PIBF1: variants seen among roughly 807,000 people sequenced by gnomAD.
PIBF1 encodes the protein progesterone immunomodulatory binding factor 1.
PIBF1 carries 90 observed loss-of-function variants against 112.5 expected under a neutral mutation model. The observed-to-expected ratio is 0.80, with a 90% CI of 0.67 to 0.95. The LOEUF (loss-of-function observed/expected upper bound fraction) is 0.95, where lower values mean the gene tolerates loss of function less well. Ranked by LOEUF, PIBF1 falls within the 40% of genes least tolerant of loss-of-function variation. The pLI is 0.00. For synonymous variants in PIBF1, 301 were observed against 288.6 expected (o/e 1.04, Z -0.44); for missense variants, 915 against 852.3 (o/e 1.07, Z -0.92).
Position 72,893,862 on chromosome 13 carries a change from T to C in PIBF1, c.1401T>C (p.Ser467=). The change falls in exon 11 of 18, where the codon AGT becomes AGC. Residue 467 remains serine (S), a synonymous_variant. Transcript: ENST00000326291. ...LHQSKLKSFE[S]ERVQLLQEET... ...AAAGTAAATTAAAATCTTTTGAAAG[T>C]GAGCGTGTTCAACTTCTGCAAGAGG... is the stretch of plus-strand genomic sequence containing the variant. 6.2e-7 allele frequency: 1 copy of C among 1,606,170 alleles called. No individual in the cohort carries two copies. Among genetic ancestry groups the C allele is most frequent in the Non-Finnish European group, 8.5e-7 (1 of 1,175,680 alleles).
At chr13:72,798,361 T>G (rs575098306) in intron 5 of PIBF1, among the ~76,000 whole-genome samples, 1 of 152,336 alleles carries the variant, frequency 6.6e-6, no homozygotes, top group Non-Finnish European at 1.5e-5. Flanking sequence ...ATTTAGTAAT[T>G]TGTCTCTATT....
At chr13:72,970,068 A>G (rs141758683) in intron 15 of PIBF1, among the ~76,000 whole-genome samples, 84 of 152,290 alleles carry the variant, frequency 5.5e-4, no homozygotes, top group African/African-American at 2.0e-3. Flanking sequence ...AAACTCTTTG[A>G]AGAACTGAAT....
At chr13:72,972,094 G>T (rs2042910172) in intron 15 of PIBF1, among the ~76,000 whole-genome samples, 1 of 150,958 alleles carries the variant, frequency 6.6e-6, no homozygotes. Context: ...GAATACAGTG[G>T]AGCATCATAG....
chr13:72,873,887 T>C (rs570435111), intron 10 of PIBF1, among the ~76,000 whole-genome samples: 24 of 152,182 alleles, frequency 1.6e-4, no homozygotes, highest in Non-Finnish European at 3.4e-4. Flanking sequence ...CTCTTGCAAC[T>C]TAAGAAGACA....
intron 5 of PIBF1, among the ~76,000 whole-genome samples, chr13:72,811,608 A>T (rs112171153): frequency 1.4e-5 from 2 of 139,718 alleles, no homozygotes; most frequent in Non-Finnish European, 3.0e-5. Context: ...AAAAAAAAAA[A>T]AGAGAGAGAA....
intron 3 of PIBF1, among the ~76,000 whole-genome samples, chr13:72,793,827 T>C (rs139903822): frequency 6.6e-6 from 1 of 152,310 alleles, no homozygotes; most frequent in Non-Finnish European, 1.5e-5. Flanking sequence ...AAAGAAATCA[T>C]GGTAGCAAAG....
chr13:72,891,729 T>A (rs1176519603), intron 10 of PIBF1, among the ~76,000 whole-genome samples: 1 of 152,072 alleles, frequency 6.6e-6, no homozygotes, highest in Non-Finnish European at 1.5e-5. Flanking sequence ...AGAAATGAAT[T>A]CATGTTTACA....
chr13:72,900,473 A>T (rs1442687318), intron 11 of PIBF1, among the ~76,000 whole-genome samples: 4 of 152,214 alleles, frequency 2.6e-5, no homozygotes, highest in Non-Finnish European at 5.9e-5. Flanking sequence ...CTGACCTTTG[A>T]CAAAGCAAAC....
Position 72,783,641 on chromosome 13 carries a change from C to A in PIBF1, c.172C>A (p.His58Asn). 1.9e-6 allele frequency: 3 copies of A among 1,613,824 alleles called. No homozygotes were observed. Among genetic ancestry groups the A allele is most frequent in the Non-Finnish European group, 2.5e-6 (3 of 1,179,762 alleles). The stretch of plus-strand genomic sequence containing the variant: ...GCTAATTGAACGAAAAGAACTACTT[C>A]ATAATATTCAGTTACTAAAAATTGA... ...RQLIERKELL[H>N]NIQLLKIELS... Residue 58 changes from histidine to asparagine, a missense_variant, in exon 2 of 18, where the codon CAT (histidine) becomes AAT (asparagine). By Grantham distance (68) the His-to-Asn change is moderately conservative. Coordinates refer to ENST00000326291, the MANE Select transcript of PIBF1 (RefSeq NM_006346.4).
At chr13:72,901,933 C>A (rs2040503206) in intron 11 of PIBF1, among the ~76,000 whole-genome samples, 1 of 151,312 alleles carries the variant, frequency 6.6e-6, no homozygotes, top group Admixed American at 6.6e-5. Flanking sequence ...GCACAATTCA[C>A]AATTGCAAAA....
rs551814577 is a variant in PIBF1, at chr13:72,926,519, G to C, written c.1731-4646G>C. Among the ~76,000 whole-genome samples, 6 of 152,294 alleles carry C rather than the reference G, an allele frequency of 3.9e-5. No homozygotes were observed. In the East Asian group the frequency reaches 1.2e-3, roughly 29 times the overall value. ...TGACTGTAGTCTTCTTCCTTCTGCA[G>C]GCCATCCTGCACACTACTGATAGAG... On this transcript the variant is annotated intron_variant, in intron 13 of 17. Transcript: ENST00000326291.
At chr13:72,937,645 C>T (rs967754572) in intron 14 of PIBF1, among the ~76,000 whole-genome samples, 17 of 152,188 alleles carry the variant, frequency 1.1e-4, no homozygotes, top group Admixed American at 3.3e-4. Context: ...CATGGCAAAA[C>T]CCTGTCTCTA....
intron 15 of PIBF1, among the ~76,000 whole-genome samples, chr13:72,972,650 C>A (rs1026813647): frequency 1.3e-5 from 2 of 148,320 alleles, no homozygotes; most frequent in Admixed American, 1.4e-4. Flanking sequence ...GGTGACAGAG[C>A]GAGACTCCGT....
At chr13:72,944,927 C>T (rs187643740) in intron 14 of PIBF1, among the ~76,000 whole-genome samples, 21 of 152,014 alleles carry the variant, frequency 1.4e-4, no homozygotes, top group South Asian at 4.2e-4. Context: ...CTACAGTGCC[C>T]GGCTGATTTT....
chr13:72,876,134 CTTTTTT>C (rs386363749), intron 10 of PIBF1, among the ~76,000 whole-genome samples: 12 of 91,236 alleles, frequency 1.3e-4, no homozygotes, highest in South Asian at 4.3e-4. Context: ...TGTTCAGATT[CTTTTTT>C]TTTTTTTTTT....
chr13:72,933,353 A>G (rs999123543), intron 14 of PIBF1, among the ~76,000 whole-genome samples: 6 of 152,194 alleles, frequency 3.9e-5, no homozygotes, highest in Non-Finnish European at 5.9e-5. Context: ...GCTACAAAGC[A>G]AGATCCACCA....
At chr13:72,958,717 C>T (rs1594271826) in intron 14 of PIBF1, among the ~76,000 whole-genome samples, 1 of 152,228 alleles carries the variant, frequency 6.6e-6, no homozygotes, top group East Asian at 1.9e-4. Flanking sequence ...TGAAATGTAT[C>T]AGTTAAATAT....
intron 10 of PIBF1, among the ~76,000 whole-genome samples, chr13:72,869,482 G>A (rs2039067386): frequency 8.0e-6 from 1 of 125,570 alleles, no homozygotes; most frequent in African/African-American, 3.0e-5. Flanking sequence ...GGGGGGAGGG[G>A]GAAGGGATAG....
chr13:72,991,555 A>C (rs1344819350), intron 16 of PIBF1, among the ~76,000 whole-genome samples: 2 of 152,120 alleles, frequency 1.3e-5, no homozygotes, highest in African/African-American at 4.8e-5. Flanking sequence ...GTATAAAAGC[A>C]TATCAGATTT....
Sources: gnomAD v4.1 joint callset for allele counts (sites outside exome capture counted in the v4.1 genomes callset) on GRCh38, gnomAD v4.1.1 for gene constraint, MANE v1.5 for transcripts, NCBI Gene and HGNC (gene_info 2026-07-23, HGNC 2026-07-21) for gene names.